The following FGFR1 variants were observed in gnomAD, a reference collection of about 807,000 sequenced individuals.
FGFR1 encodes the protein fibroblast growth factor receptor 1.
Under a neutral mutation model 93.7 loss-of-function variants are expected in FGFR1, and 18 were observed. That is an observed-to-expected ratio of 0.19 (90% confidence interval 0.13 to 0.28). The LOEUF (loss-of-function observed/expected upper bound fraction) is 0.28, where lower values mean the gene tolerates loss of function less well. Among genes scored for constraint, FGFR1 ranks in the 10% least tolerant of loss-of-function variants. The pLI, the probability that FGFR1 is intolerant of heterozygous loss-of-function variation, is 1.00. For synonymous variants in FGFR1, 448 were observed against 429.3 expected (o/e 1.04, Z -0.54); for missense variants, 731 against 1,080.4 (o/e 0.68, Z 4.53).
intron 1 of FGFR1, among the ~76,000 whole-genome samples, chr8:38,459,880 T>C (rs7012413): frequency 0.6 from 91,562 of 151,980 alleles, 28,926 homozygotes; most frequent in Non-Finnish European, 0.7. Flanking sequence ...TGCAGTTCCA[T>C]TGGTCAAAGA....
At chr8:38,439,945 G>C (rs1826818633) in intron 2 of FGFR1, among the ~76,000 whole-genome samples, 1 of 152,176 alleles carries the variant, frequency 6.6e-6, no homozygotes, top group African/African-American at 2.4e-5. Flanking sequence ...ACTCCAAAGG[G>C]CTTAGGGCTT....
intron 12 of FGFR1, among the ~76,000 whole-genome samples, chr8:38,416,448 ATTTTTTTTTTT>A (rs57944426): frequency 7.4e-5 from 6 of 80,932 alleles, no homozygotes; most frequent in Admixed American, 1.7e-4. Context: ...TGCCTGGCTA[ATTTTTTTTTTT>A]TTTTTTTTTT....
intron 1 of FGFR1, among the ~76,000 whole-genome samples, chr8:38,459,712 A>C (rs114397083): frequency 0.01 from 1,597 of 152,292 alleles, 36 homozygotes; most frequent in African/African-American, 0.037. Flanking sequence ...GCTAGCATGT[A>C]ATAGTGCCTC....
chr8:38,454,687 A>G (rs1409508485), intron 2 of FGFR1, among the ~76,000 whole-genome samples: 2 of 152,186 alleles, frequency 1.3e-5, no homozygotes, highest in Non-Finnish European at 2.9e-5. Context: ...AACACCTTAC[A>G]TGGAAGTGCT....
intron 2 of FGFR1, among the ~76,000 whole-genome samples, chr8:38,431,378 G>T (rs765976061): frequency 3.9e-5 from 6 of 152,236 alleles, no homozygotes; most frequent in South Asian, 2.1e-4. Context: ...GTGCGGTGAT[G>T]TGTCATCGGT....
chr8:38,459,551 A>G (rs1833849978), intron 1 of FGFR1, among the ~76,000 whole-genome samples: 1 of 152,240 alleles, frequency 6.6e-6, no homozygotes, highest in African/African-American at 2.4e-5. Flanking sequence ...CTATGTACCA[A>G]GGATGCCCTA....
In FGFR1 at chr8:38,429,828, A is replaced by C; in HGVS notation, c.212T>G (p.Val71Gly). 1.9e-6 allele frequency: 3 copies of C among 1,613,752 alleles called. No homozygotes were observed. The highest frequency in any genetic ancestry group is 2.5e-6 in the Non-Finnish European group (3 of 1,179,932). Residue 71 changes from valine to glycine, a missense_variant, in exon 3 of 18, where the codon GTG (valine) becomes GGG (glycine). By Grantham distance (109) the Val-to-Gly change is moderately radical. Around this residue, in one of 10 missense-constraint regions of FGFR1, gnomAD observed 212 missense variants for 205.8 expected, o/e 1.03. Coordinates refer to ENST00000447712, the MANE Select transcript of FGFR1 (RefSeq NM_023110.3). The surrounding 1 kb of genome is among the most constrained non-coding windows in gnomAD (Gnocchi z 4.4). ...VQSINWLRDGVQLAESNRTRI... is the reference protein window; with the variant it reads ...VQSINWLRDGGQLAESNRTRI... ...GGTGCGGTTGCTTTCCGCCAGCTGC[A>C]CCCCGTCCCGCAGCCAGTTGATGCT...
Position 38,440,575 on chromosome 8 carries a change from C to CT in FGFR1, c.92-10628dup, listed in dbSNP as rs557897454. On this transcript the variant is annotated intron_variant, in intron 2 of 17. Transcript: ENST00000447712. Reference sequence around the variant, plus strand: ...CCGACCCAGGGGATTTGGAGAAGGGCTTTTTTTTTTTTTTTAAATTGAAGA... The same window carrying CT: ...CCGACCCAGGGGATTTGGAGAAGGGCTTTTTTTTTTTTTTTTAAATTGAAGA... 3.3e-3 allele frequency among the ~76,000 whole-genome samples: 460 copies of CT among 137,924 alleles called. 1 individual carries two copies. The highest frequency in any genetic ancestry group is 8.5e-3 in the South Asian group (36 of 4,246). 90.5% of individuals were successfully genotyped at this position (137,924 alleles called of 152,430 possible).
rs759938152 is a variant in FGFR1 at position 38,424,207 on chromosome 8, G to A, written c.936+302C>T. On this transcript the variant is annotated intron_variant, in intron 7 of 17. Transcript: ENST00000447712. This position sits in a 1 kb window ranked among gnomAD's most constrained non-coding sequence, Gnocchi z 4.3. ...GGTTTCGGGCAATGAAAAGGCAGGG[G>A]TCCAAATGCCTTCCTTGTGTAGCTG... 1.3e-5 allele frequency: 7 copies of A among 535,262 alleles called. No homozygotes were observed. The highest frequency in any genetic ancestry group is 2.5e-5 in the Non-Finnish European group (7 of 281,246). 33.2% of individuals were successfully genotyped at this position (535,262 alleles called of 1,614,324 possible).
In FGFR1 at chr8:38,429,868, G is replaced by A. The variant is rs1162148796; in HGVS notation, c.172C>T (p.Arg58Trp). ...GDLLQLRCRLRDDVQSINWLR... is the reference protein window; with the variant it reads ...GDLLQLRCRLWDDVQSINWLR... ...CAGTTGATGCTCTGCACATCGTCCC[G>A]CAGCCGACAGCGAAGCTGCAGCAGG... The change falls in exon 3 of 18, where the codon CGG becomes TGG. Residue 58 changes from arginine to tryptophan, a missense_variant. This residue lies in a region of FGFR1 where 212 missense variants were observed against 205.8 expected (regional missense o/e 1.03). Coordinates refer to ENST00000447712, the MANE Select transcript of FGFR1 (RefSeq NM_023110.3). The surrounding 1 kb of genome is among the most constrained non-coding windows in gnomAD (Gnocchi z 4.4). 3.1e-6 allele frequency: 5 copies of A among 1,613,952 alleles called. No individual in the cohort carries two copies. The highest frequency in any genetic ancestry group is 1.7e-5 in the Admixed American group (1 of 60,012).
chr8:38,424,829 C>G lies in FGFR1; in HGVS notation c.746-130G>C. ...AACCTCCCAGCACTTCTGCTGAGCC[C>G]AAGCCTCTCAAAACAGAGCTGGGGA... On this transcript the variant is annotated intron_variant, in intron 6 of 17. Transcript: ENST00000447712. The surrounding 1 kb of genome is among the most constrained non-coding windows in gnomAD (Gnocchi z 4.3). The G allele has an allele frequency of 1.1e-6, 1 of 895,262 alleles. No homozygotes were observed. The highest frequency in any genetic ancestry group is 1.7e-6 in the Non-Finnish European group (1 of 594,902). The allele number at this position is 895,262 out of a possible 1,614,324, so 55.5% of individuals were successfully genotyped here.
chr8:38,449,555 T>C (rs1205718579), intron 2 of FGFR1, among the ~76,000 whole-genome samples: 5 of 152,214 alleles, frequency 3.3e-5, no homozygotes, highest in African/African-American at 1.2e-4. Flanking sequence ...CCCAACCTCG[T>C]AACCACTAAG....
intron 11 of FGFR1, 75 bp downstream of exon 11, chr8:38,417,795 T>A (rs2150643391): frequency 6.2e-7 from 1 of 1,611,074 alleles, no homozygotes; most frequent in African/African-American, 1.3e-5. Context: ...GAGAAGCTGT[T>A]CTGCTGGGCC....
At chr8:38,420,131 C>G (rs1322328932) in intron 8 of FGFR1, 10 of 260,202 alleles carry the variant, frequency 3.8e-5, no homozygotes, top group Non-Finnish European at 4.5e-5. Flanking sequence ...TCTGCAAAGC[C>G]TCAGCACTGT....
chr8:38,441,663 G>T (rs988366135), intron 2 of FGFR1, among the ~76,000 whole-genome samples: 3 of 152,164 alleles, frequency 2.0e-5, no homozygotes, highest in Non-Finnish European at 2.9e-5. Flanking sequence ...GATGCCCTGC[G>T]GCTATGGAGG....
rs562833221 is a variant in FGFR1, at chr8:38,468,389, C to G, written c.-497G>C. ...TGCGCCCTGCGGGGCGCCCCGAGCTCGGACCGGAGAAAAGTCCTTGGGTTC... is the reference window on the plus strand; with the variant it reads ...TGCGCCCTGCGGGGCGCCCCGAGCTGGGACCGGAGAAAAGTCCTTGGGTTC... On this transcript the variant is annotated 5_prime_UTR_variant, in exon 1 of 18. Transcript: ENST00000447712. 5 of 228,412 alleles carry G rather than the reference C, an allele frequency of 2.2e-5. No homozygotes were observed. The highest frequency in any genetic ancestry group is 4.4e-5 in the Non-Finnish European group (5 of 114,704). The allele number at this position is 228,412 out of a possible 1,614,324, so 14.1% of individuals were successfully genotyped here. A position where few individuals can be genotyped will look rare whatever the true frequency, so the allele number is the denominator to read the frequency against.
intron 12 of FGFR1, among the ~76,000 whole-genome samples, chr8:38,416,517 G>A (rs766649315): frequency 1.4e-5 from 2 of 143,710 alleles, no homozygotes; most frequent in African/African-American, 2.6e-5. Context: ...GTGCAATGGC[G>A]CGATCTCGGC....
rs778015347 is a variant in FGFR1 at position 38,414,732 on chromosome 8, C to A, written c.1977+47G>T. ...GGTTCTCAGCCCACCCCACTCCTTG[C>A]TTCTCAGATGAAACCACCAGCACAG... On this transcript the variant is annotated intron_variant, in intron 14 of 17. Coordinates refer to ENST00000447712, the MANE Select transcript of FGFR1 (RefSeq NM_023110.3). The A allele has an allele frequency of 4.0e-5, 64 of 1,613,642 alleles. 1 individual carries two copies. In the South Asian group the frequency reaches 6.4e-4, roughly 16 times the overall value.
chr8:38,461,117 T>C (rs1369390893), intron 1 of FGFR1: 1 of 1,536,080 alleles, frequency 6.5e-7, no homozygotes, highest in Non-Finnish European at 8.7e-7. Context: ...CACAGGTGGT[T>C]ATGAAGACTG....
Sources: gnomAD v4.1 joint callset for allele counts (sites outside exome capture counted in the v4.1 genomes callset) on GRCh38, gnomAD v4.1.1 for gene constraint, gnomAD v4.1.1 regional missense constraint, Gnocchi (gnomAD v3.1) non-coding constraint, MANE v1.5 for transcripts, NCBI Gene and HGNC (gene_info 2026-07-23, HGNC 2026-07-21) for gene names.